Variants in PRKN observed in about 807,000 individuals in gnomAD.
PRKN encodes E3 ubiquitin-protein ligase parkin.
A neutral mutation model predicts 59.5 loss-of-function variants in PRKN; 56 were observed. The ratio of observed to expected loss-of-function variants is 0.94; its 90% confidence interval spans 0.76 to 1.18. The LOEUF (loss-of-function observed/expected upper bound fraction) is 1.18, where lower values mean the gene tolerates loss of function less well. PRKN is among the 50% of genes most tolerant of loss of function. The pLI is 0.00. For synonymous variants in PRKN, 250 were observed against 222.1 expected, an observed-to-expected ratio of 1.13 and a Z score of -1.12; for missense variants, 657 against 596.4, an observed-to-expected ratio of 1.10 and a Z score of -1.06.
intron 1 of PRKN, among the ~76,000 whole-genome samples, chr6:162,491,483 T>C (rs1412369676): frequency 1.3e-5 from 2 of 152,204 alleles, no homozygotes; most frequent in Admixed American, 6.5e-5. Flanking sequence ...TCCACCTTCA[T>C]GCTCCAGCCA....
At chr6:162,327,401 CT>C (rs1783343443) in intron 2 of PRKN, among the ~76,000 whole-genome samples, 1 of 152,104 alleles carries the variant, frequency 6.6e-6, no homozygotes, top group Admixed American at 6.6e-5. Context: ...TTTCTTTGGA[CT>C]TCACAAAATC....
chr6:161,500,875 TC>T (rs377401231), intron 9 of PRKN, among the ~76,000 whole-genome samples: 4 of 128,332 alleles, frequency 3.1e-5, no homozygotes, highest in African/African-American at 5.8e-5. Flanking sequence ...TTTTTTTTTT[TC>T]TTTTTTTTTT....
intron 6 of PRKN, among the ~76,000 whole-genome samples, chr6:161,968,637 A>C (rs1780678372): frequency 6.6e-6 from 1 of 152,218 alleles, no homozygotes; most frequent in African/African-American, 2.4e-5. Context: ...AATTATGTCT[A>C]ATTTGATTAA....
intron 2 of PRKN, among the ~76,000 whole-genome samples, chr6:162,311,932 C>T (rs1441183293): frequency 6.6e-6 from 1 of 152,024 alleles, no homozygotes; most frequent in African/African-American, 2.4e-5. Flanking sequence ...TTTTAAGTTT[C>T]AGATACCCAG....
intron 9 of PRKN, among the ~76,000 whole-genome samples, chr6:161,412,024 C>T (rs1787582747): frequency 6.7e-6 from 1 of 148,916 alleles, no homozygotes; most frequent in Non-Finnish European, 1.5e-5. Context: ...CATTCATTCA[C>T]TCATTCATTC....
chr6:162,196,798 G>A (rs939341054), intron 4 of PRKN, among the ~76,000 whole-genome samples: 4 of 152,056 alleles, frequency 2.6e-5, no homozygotes, highest in Non-Finnish European at 4.4e-5. Context: ...TTAAACTGGA[G>A]CATCACATTT....
chr6:161,600,315 T>A (rs1782061751), intron 7 of PRKN, among the ~76,000 whole-genome samples: 1 of 152,230 alleles, frequency 6.6e-6, no homozygotes, highest in South Asian at 2.1e-4. Flanking sequence ...CTTCCTTTTC[T>A]ATCCTCATTC....
At chr6:162,517,964 T>C (rs913786165) in intron 1 of PRKN, among the ~76,000 whole-genome samples, 1 of 152,194 alleles carries the variant, frequency 6.6e-6, no homozygotes, top group South Asian at 2.1e-4. Flanking sequence ...TTAATACACT[T>C]AGCTGGATGC....
At chr6:162,084,595 T>C (rs572449559) in intron 4 of PRKN, among the ~76,000 whole-genome samples, 60 of 152,278 alleles carry the variant, frequency 3.9e-4, no homozygotes, top group Admixed American at 3.9e-3. Flanking sequence ...TGTGTTATAC[T>C]GTTGCTATAG....
intron 6 of PRKN, among the ~76,000 whole-genome samples, chr6:161,959,697 C>T (rs1427347660): frequency 2.0e-5 from 3 of 152,166 alleles, no homozygotes; most frequent in East Asian, 3.9e-4. Context: ...TGAATAAATG[C>T]CTCGTTTCTA....
rs1787037047 is a variant in PRKN, at chr6:161,401,242, A to G, written c.1084-14365T>C. Among the ~76,000 whole-genome samples the G allele has an allele frequency of 1.3e-5, 2 of 152,160 alleles. No homozygotes were observed. The highest frequency in any genetic ancestry group is 4.8e-5 in the African/African-American group (2 of 41,432). On this transcript the variant is annotated intron_variant, in intron 9 of 11. Transcript: ENST00000366898. The surrounding 1 kb of genome is among the most constrained non-coding windows in gnomAD (Gnocchi z 4.4). ...GACTTTCATTTGTGATAGTTCAGTC[A>G]CGTCCTGGGGAATTGAGGAGAAGAT...
rs369827763 is a variant in PRKN at position 162,390,375 on chromosome 6, G to GTATATATATATATATATATATA, written c.171+52913_171+52934dup. Among the ~76,000 whole-genome samples, 278 of 98,658 alleles carry GTATATATATATATATATATATA rather than the reference G, an allele frequency of 2.8e-3. 2 individuals carry two copies. Among genetic ancestry groups the GTATATATATATATATATATATA allele is most frequent in the Non-Finnish European group, 3.6e-3 (187 of 51,446 alleles). The allele number at this position is 98,658 out of a possible 152,430, so 64.7% of individuals were successfully genotyped here. A position where few individuals can be genotyped will look rare whatever the true frequency, so the allele number is the denominator to read the frequency against. ...GCCACATGGTGATTATACTGCTAAGGTATATATATATATATATATATACAC... is the reference window on the plus strand; with the variant it reads ...GCCACATGGTGATTATACTGCTAAGGTATATATATATATATATATATATATATATATATATATATATATACAC... On this transcript the variant is annotated intron_variant, in intron 2 of 11. Coordinates refer to ENST00000366898, the MANE Select transcript of PRKN (RefSeq NM_004562.3).
At chr6:162,221,709 T>C (rs191225799) in intron 3 of PRKN, among the ~76,000 whole-genome samples, 1 of 152,256 alleles carries the variant, frequency 6.6e-6, no homozygotes, top group Non-Finnish European at 1.5e-5. Context: ...TACAGTAGAA[T>C]ACTAGTGGGC....
chr6:161,836,424 C>T (rs1792759160), intron 6 of PRKN, among the ~76,000 whole-genome samples: 1 of 152,078 alleles, frequency 6.6e-6, no homozygotes, highest in African/African-American at 2.4e-5. Flanking sequence ...CCTGAGTGGC[C>T]TCGATTAAAT....
At chr6:162,549,180 A>G (rs999338437) in intron 1 of PRKN, among the ~76,000 whole-genome samples, 3 of 152,116 alleles carry the variant, frequency 2.0e-5, no homozygotes, top group Non-Finnish European at 2.9e-5. Flanking sequence ...ACACCCCCAG[A>G]AGACGGCCAT....
chr6:162,432,594 G>A, intron 2 of PRKN, among the ~76,000 whole-genome samples: 1 of 152,148 alleles, frequency 6.6e-6, no homozygotes, highest in Non-Finnish European at 1.5e-5. Context: ...AGATTAGTAT[G>A]TATTTAATCT....
chr6:162,633,733 T>A (rs1489068921), intron 1 of PRKN, among the ~76,000 whole-genome samples: 5 of 151,510 alleles, frequency 3.3e-5, no homozygotes, highest in Non-Finnish European at 7.4e-5. Context: ...GATGACAGAA[T>A]AACATGAGGT....
intron 6 of PRKN, among the ~76,000 whole-genome samples, chr6:161,865,278 C>A (rs11969031): frequency 0.071 from 10,844 of 152,188 alleles, 1,294 homozygotes; most frequent in African/African-American, 0.25. Flanking sequence ...TTGTTGTTCC[C>A]TTTATAGAGC....
rs965085334 is a variant in PRKN at position 161,388,985 on chromosome 6, G to A, written c.1084-2108C>T. Reference sequence around the variant, plus strand: ...AAGAATATAATATGCTGAAAGTAGTGTCTGGAAGATTCAAAAATTTACAGA... The same window carrying A: ...AAGAATATAATATGCTGAAAGTAGTATCTGGAAGATTCAAAAATTTACAGA... On this transcript the variant is annotated intron_variant, in intron 9 of 11. Coordinates refer to ENST00000366898, the MANE Select transcript of PRKN (RefSeq NM_004562.3). This position sits in a 1 kb window ranked among gnomAD's most constrained non-coding sequence, Gnocchi z 4.3. 1.4e-4 allele frequency among the ~76,000 whole-genome samples: 22 copies of A among 152,320 alleles called. No individual in the cohort carries two copies. The highest frequency in any genetic ancestry group is 1.4e-3 in the Admixed American group (22 of 15,300).
Sources: allele counts gnomAD v4.1 joint callset (sites outside exome capture counted in the v4.1 genomes callset), GRCh38; gene constraint gnomAD v4.1.1; non-coding constraint Gnocchi (gnomAD v3.1); transcripts MANE v1.5; gene names NCBI Gene and HGNC (gene_info 2026-07-23, HGNC 2026-07-21).